The following RTN1 variants were observed in gnomAD, a reference collection of about 807,000 sequenced individuals.
The protein encoded by RTN1 is reticulon-1.
A neutral mutation model predicts 65.5 loss-of-function variants in RTN1; 25 were observed. The observed-to-expected ratio is 0.38, with a 90% CI of 0.28 to 0.53. RTN1 has a LOEUF of 0.53. Ranked by LOEUF, RTN1 falls within the 20% of genes least tolerant of loss-of-function variation. RTN1 has a pLI of 0.79. For missense variants in RTN1, 983 were observed against 1,025.4 expected (o/e 0.96, Z 0.57); for synonymous variants, 471 against 447.6 (o/e 1.05, Z -0.66).
At chr14:59,781,300 A>C (rs1395370091) in intron 1 of RTN1, among the ~76,000 whole-genome samples, 2 of 152,094 alleles carry the variant, frequency 1.3e-5, no homozygotes, top group Admixed American at 1.3e-4. Flanking sequence ...ACTTTATTGT[A>C]GAATTTAATA....
At chr14:59,729,905 G>A (rs1211701881) in intron 2 of RTN1, among the ~76,000 whole-genome samples, 1 of 152,220 alleles carries the variant, frequency 6.6e-6, no homozygotes, top group East Asian at 1.9e-4. Flanking sequence ...CTGGGATGAA[G>A]GAGATGTTGA....
At chr14:59,745,205 G>T (rs1255014514) in intron 2 of RTN1, among the ~76,000 whole-genome samples, 1 of 152,198 alleles carries the variant, frequency 6.6e-6, no homozygotes, top group African/African-American at 2.4e-5. Context: ...AAGCCAGAAA[G>T]CTTTTACCAG....
intron 3 of RTN1, among the ~76,000 whole-genome samples, chr14:59,678,152 A>G (rs1165824179): frequency 6.6e-6 from 1 of 152,196 alleles, no homozygotes; most frequent in African/African-American, 2.4e-5. Context: ...CCCAGGGACA[A>G]GTCCTGTTCT....
chr14:59,819,778 G>A (rs574962910), intron 1 of RTN1, among the ~76,000 whole-genome samples: 1 of 152,278 alleles, frequency 6.6e-6, no homozygotes, highest in African/African-American at 2.4e-5. Flanking sequence ...ACAGTGCTGG[G>A]GGACCCGGTG....
chr14:59,672,067 T>C (rs1045726129), intron 3 of RTN1, among the ~76,000 whole-genome samples: 2 of 152,204 alleles, frequency 1.3e-5, no homozygotes, highest in African/African-American at 4.8e-5. Flanking sequence ...TTGCCTTCTC[T>C]CTTGGCTTTA....
intron 1 of RTN1, among the ~76,000 whole-genome samples, chr14:59,844,167 A>T (rs924001797): frequency 3.9e-5 from 6 of 152,168 alleles, no homozygotes; most frequent in Non-Finnish European, 5.9e-5. Flanking sequence ...TCGGGTATAG[A>T]AGGGAGACAA....
intron 1 of RTN1, among the ~76,000 whole-genome samples, chr14:59,754,635 G>T (rs1226602566): frequency 6.6e-6 from 1 of 152,168 alleles, no homozygotes; most frequent in Non-Finnish European, 1.5e-5. Flanking sequence ...AATGCCCTTA[G>T]ATCTTTGCCT....
At chr14:59,824,367 G>A (rs918204807) in intron 1 of RTN1, among the ~76,000 whole-genome samples, 1 of 152,158 alleles carries the variant, frequency 6.6e-6, no homozygotes, top group African/African-American at 2.4e-5. Flanking sequence ...GTGAAAGAGG[G>A]TCTGTGGACC....
At position 59,717,410 on chromosome 14, in the gene RTN1, G is replaced by A. The variant is rs140441493; in HGVS notation, c.1765+9509C>T. On this transcript the variant is annotated intron_variant, in intron 3 of 8. Transcript: ENST00000267484. ...TGATCTTGTGTAATAAAGTCATGCC[G>A]GTTACTCTTGATTGTGAGTGGAAGA... Among the ~76,000 whole-genome samples the A allele has an allele frequency of 7.5e-4, 114 of 152,232 alleles. 1 individual carries two copies. The East Asian group carries it at 0.011, about 14-fold the overall frequency.
intron 3 of RTN1, among the ~76,000 whole-genome samples, chr14:59,666,234 A>C (rs1008336120): frequency 1.3e-5 from 2 of 152,212 alleles, no homozygotes; most frequent in Admixed American, 1.3e-4. Context: ...AAATCACAAC[A>C]AACTGTCTCT....
chr14:59,669,269 G>C (rs1279299587), intron 3 of RTN1, among the ~76,000 whole-genome samples: 1 of 152,170 alleles, frequency 6.6e-6, no homozygotes, highest in Non-Finnish European at 1.5e-5. Context: ...GGAATACTAT[G>C]CAGCCATAAA....
At chr14:59,777,830 A>C (rs566928262) in intron 1 of RTN1, among the ~76,000 whole-genome samples, 271 of 140,502 alleles carry the variant, frequency 1.9e-3, no homozygotes, top group Non-Finnish European at 3.1e-3. Flanking sequence ...AACAAAAAAA[A>C]AAAACAAAAC....
chr14:59,611,578 C>A (rs1006087843), intron 3 of RTN1, among the ~76,000 whole-genome samples: 28 of 151,914 alleles, frequency 1.8e-4, no homozygotes, highest in Admixed American at 4.6e-4. Context: ...GTAGCCCCAT[C>A]GTGGAGTGTC....
chr14:59,690,484 A>C (rs1883938704), intron 3 of RTN1, among the ~76,000 whole-genome samples: 1 of 152,172 alleles, frequency 6.6e-6, no homozygotes, highest in African/African-American at 2.4e-5. Flanking sequence ...ACTTAGCCAC[A>C]TAAATAATAG....
intron 1 of RTN1, among the ~76,000 whole-genome samples, chr14:59,807,933 C>T (rs1886665566): frequency 6.6e-6 from 1 of 152,092 alleles, no homozygotes; most frequent in African/African-American, 2.4e-5. Context: ...ACAAAATATA[C>T]ATAAAGTATA....
chr14:59,773,857 A>T (rs1043604049), intron 1 of RTN1, among the ~76,000 whole-genome samples: 2 of 152,184 alleles, frequency 1.3e-5, no homozygotes, highest in Non-Finnish European at 2.9e-5. Flanking sequence ...TGAGACAGAA[A>T]AAGAAATGAA....
chr14:59,732,092 C>A (rs1415629705), intron 2 of RTN1, among the ~76,000 whole-genome samples: 1 of 152,106 alleles, frequency 6.6e-6, no homozygotes, highest in Non-Finnish European at 1.5e-5. Flanking sequence ...AGAAACAGAA[C>A]CTTGAAAGGC....
At chr14:59,710,069 C>T (rs1168298817) in intron 3 of RTN1, among the ~76,000 whole-genome samples, 2 of 124,836 alleles carry the variant, frequency 1.6e-5, no homozygotes, top group Non-Finnish European at 3.2e-5. Context: ...TTTTGACAGA[C>T]TGTCACTCTG....
At chr14:59,665,277 G>A (rs754774270) in intron 3 of RTN1, among the ~76,000 whole-genome samples, 6 of 152,042 alleles carry the variant, frequency 3.9e-5, no homozygotes, top group Non-Finnish European at 8.8e-5. Flanking sequence ...AGACAGTGGG[G>A]GCCAATATTC....
Sources: gnomAD v4.1 joint callset for allele counts (sites outside exome capture counted in the v4.1 genomes callset) on GRCh38, gnomAD v4.1.1 for gene constraint, MANE v1.5 for transcripts, NCBI Gene and HGNC (gene_info 2026-07-23, HGNC 2026-07-21) for gene names.